DCDC2: variants seen among roughly 807,000 people sequenced by gnomAD.
The protein encoded by DCDC2 is doublecortin domain-containing protein 2.
In DCDC2, 40 loss-of-function variants were observed where a neutral mutation model predicts 50.2. That is an observed-to-expected ratio of 0.80 (90% CI 0.62 to 1.04). The LOEUF (loss-of-function observed/expected upper bound fraction) is 1.04, where lower values mean the gene tolerates loss of function less well. DCDC2 is among the 50% of genes least tolerant of loss of function. The pLI is 0.00. For synonymous variants in DCDC2, 234 were observed against 210.6 expected (o/e 1.11, Z -0.96); for missense variants, 570 against 581.9 (o/e 0.98, Z 0.21).
chr6:24,251,938 G>A (rs1018083948), intron 7 of DCDC2, among the ~76,000 whole-genome samples: 1 of 152,036 alleles, frequency 6.6e-6, no homozygotes, highest in Non-Finnish European at 1.5e-5. Context: ...CCAATGCCTT[G>A]CCTCTGTAGC....
chr6:24,278,113 T>C lies in DCDC2; in HGVS notation c.858A>G (p.Glu286=). 6.2e-7 allele frequency: 1 copy of C among 1,614,022 alleles called. No individual in the cohort carries two copies. Among genetic ancestry groups the C allele is most frequent in the African/African-American group, 1.3e-5 (1 of 75,062 alleles). ...RKGKKEDVNS[E]KLTKLKQNVK... ...CATTTTGTTTCAATTTCGTCAGTTT[T>C]TCTGAATTCACGTCTTCTTTTTTCC... is the stretch of plus-strand genomic sequence containing the variant. The change falls in exon 7 of 10, where the codon GAA becomes GAG. Residue 286 remains glutamate, a synonymous_variant. Coordinates refer to ENST00000378454, the MANE Select transcript of DCDC2 (RefSeq NM_016356.5).
At position 24,357,776 on chromosome 6, in the gene DCDC2, T is replaced by C; in HGVS notation, c.-26A>G. ...CTTCCCCGCTGGCCGCCGCCTCAGC[T>C]CGCTGCTTCGCGTCGGGAGGCACCT... On this transcript the variant is annotated 5_prime_UTR_variant, in exon 1 of 10. Coordinates refer to ENST00000378454, the MANE Select transcript of DCDC2 (RefSeq NM_016356.5). The C allele has an allele frequency of 6.2e-7, 1 of 1,611,952 alleles. No individual in the cohort carries two copies. The highest frequency in any genetic ancestry group is 8.5e-7 in the Non-Finnish European group (1 of 1,179,248).
chr6:24,349,780 T>C (rs1010471548), intron 2 of DCDC2, among the ~76,000 whole-genome samples: 6 of 152,054 alleles, frequency 3.9e-5, no homozygotes, highest in African/African-American at 9.7e-5. Flanking sequence ...AATATAGCTA[T>C]GCAAAATGAC....
At chr6:24,381,259 A>T in the DCDC2 span, among the ~76,000 whole-genome samples, 66 of 152,270 alleles carry the variant, frequency 4.3e-4, no homozygotes, top group Non-Finnish European at 8.2e-4. Flanking sequence ...CTTAATGTCT[A>T]TTGTCTTAGC....
intron 2 of DCDC2, among the ~76,000 whole-genome samples, chr6:24,319,965 CCTAA>C (rs149574347): frequency 0.085 from 12,942 of 152,084 alleles, 739 homozygotes; most frequent in East Asian, 0.34. Context: ...AACAAATGAA[CCTAA>C]CTGTGTTACA....
intron 7 of DCDC2, among the ~76,000 whole-genome samples, chr6:24,218,895 T>C (rs1004609974): frequency 6.6e-5 from 10 of 152,206 alleles, no homozygotes; most frequent in Non-Finnish European, 1.5e-4. Flanking sequence ...ATAATTTCAT[T>C]TGAAAAGGAA....
intron 7 of DCDC2, among the ~76,000 whole-genome samples, chr6:24,229,680 T>G (rs1395824898): frequency 3.3e-5 from 5 of 152,198 alleles, no homozygotes; most frequent in Non-Finnish European, 7.4e-5. Context: ...ATGCTCAAAT[T>G]CTAATGACTT....
intron 7 of DCDC2, among the ~76,000 whole-genome samples, chr6:24,272,764 T>C (rs1763264479): frequency 6.6e-6 from 1 of 152,156 alleles, no homozygotes; most frequent in African/African-American, 2.4e-5. Context: ...ACACTGTGGG[T>C]GGGAATGTAC....
intron 5 of DCDC2, among the ~76,000 whole-genome samples, chr6:24,289,117 TATA>T (rs1283556570): frequency 1.3e-5 from 2 of 152,248 alleles, no homozygotes; most frequent in Non-Finnish European, 2.9e-5. Context: ...TGTTTTCCTG[TATA>T]ATATTTTAAT....
chr6:24,232,077 G>A (rs1278099666), intron 7 of DCDC2, among the ~76,000 whole-genome samples: 4 of 151,624 alleles, frequency 2.6e-5, no homozygotes, highest in Non-Finnish European at 5.9e-5. Flanking sequence ...TGTTGATGGA[G>A]TAGTTTAAAC....
intron 2 of DCDC2, among the ~76,000 whole-genome samples, chr6:24,341,070 C>A (rs1760146557): frequency 6.6e-6 from 1 of 152,058 alleles, no homozygotes; most frequent in Non-Finnish European, 1.5e-5. Context: ...TTACATATGG[C>A]TATGTAATTT....
At chr6:24,300,524 T>G (rs1759349880) in intron 4 of DCDC2, among the ~76,000 whole-genome samples, 1 of 152,216 alleles carries the variant, frequency 6.6e-6, no homozygotes, top group African/African-American at 2.4e-5. Context: ...GTATTTGAAT[T>G]TTTTGCCACA....
intron 7 of DCDC2, among the ~76,000 whole-genome samples, chr6:24,211,417 C>T (rs1340594345): frequency 6.6e-6 from 1 of 152,088 alleles, no homozygotes; most frequent in East Asian, 1.9e-4. Context: ...TGCCCCCCAC[C>T]CCCAAGATGT....
At chr6:24,306,717 T>C (rs1561768378) in intron 2 of DCDC2, among the ~76,000 whole-genome samples, 1 of 152,180 alleles carries the variant, frequency 6.6e-6, no homozygotes, top group Admixed American at 6.5e-5. Context: ...TATCACCCTG[T>C]CTCTGACATC....
intron 2 of DCDC2, among the ~76,000 whole-genome samples, chr6:24,318,743 T>C (rs1759716995): frequency 6.6e-6 from 1 of 151,280 alleles, no homozygotes; most frequent in Admixed American, 6.6e-5. Context: ...ATTTCATTCT[T>C]TTTAACAGCT....
intron 7 of DCDC2, among the ~76,000 whole-genome samples, chr6:24,207,256 T>TTCTGTCTCTCTCTC (rs1554145067): frequency 7.7e-6 from 1 of 129,606 alleles, no homozygotes; most frequent in Non-Finnish European, 1.7e-5. Context: ...CCATCTATCT[T>TTCTGTCTCTCTCTC]TCTCTCTCTC....
intron 2 of DCDC2, among the ~76,000 whole-genome samples, chr6:24,319,565 A>C (rs1394957507): frequency 6.6e-6 from 1 of 152,158 alleles, no homozygotes; most frequent in African/African-American, 2.4e-5. Context: ...TTCTTTGCCT[A>C]GACCAATGTC....
chr6:24,230,710 C>A (rs536408096), intron 7 of DCDC2, among the ~76,000 whole-genome samples: 317 of 152,296 alleles, frequency 2.1e-3, no homozygotes, highest in Non-Finnish European at 3.5e-3. Context: ...AGAGGGGAGA[C>A]TGTTCCAGAC....
chr6:24,369,903 A>G, the DCDC2 span, among the ~76,000 whole-genome samples: 1 of 151,872 alleles, frequency 6.6e-6, no homozygotes, highest in African/African-American at 2.4e-5. Flanking sequence ...ATAGCCGGGC[A>G]TGGTGGTGCA....
Sources: gnomAD v4.1 joint callset for allele counts (sites outside exome capture counted in the v4.1 genomes callset) on GRCh38, gnomAD v4.1.1 for gene constraint, MANE v1.5 for transcripts, NCBI Gene and HGNC (gene_info 2026-07-23, HGNC 2026-07-21) for gene names.